WIPI2: variants seen among roughly 807,000 people sequenced by gnomAD.
WIPI2 encodes the protein WD repeat domain phosphoinositide-interacting protein 2.
WIPI2 carries 28 observed loss-of-function variants against 52.3 expected under a neutral mutation model. That is an observed-to-expected ratio of 0.54 (90% CI 0.40 to 0.73). WIPI2 has a LOEUF of 0.73. WIPI2 is among the 30% of genes least tolerant of loss of function. The pLI is 0.00. For missense variants in WIPI2, 506 were observed against 602.9 expected, an observed-to-expected ratio of 0.84 and a Z score of 1.68; for synonymous variants, 268 against 245.0, an observed-to-expected ratio of 1.09 and a Z score of -0.88.
intron 8 of WIPI2, among the ~76,000 whole-genome samples, chr7:5,224,969 A>G (rs996354178): frequency 3.9e-5 from 6 of 152,086 alleles, no homozygotes; most frequent in African/African-American, 9.7e-5. Context: ...ATTCATACAC[A>G]TGGTCAACAC....
In WIPI2 at chr7:5,231,629, T is replaced by A. The variant is rs1783727784; in HGVS notation, c.*682T>A. ...CTTTCTGATACTAAAAACCTTTCTT[T>A]CAGGCAGCAAATGAACTTGAAAGGT... On this transcript the variant is annotated 3_prime_UTR_variant, in exon 13 of 13. Transcript: ENST00000288828. The A allele has an allele frequency of 6.6e-6, 1 of 152,482 alleles. No individual in the cohort carries two copies. 9.4% of individuals were successfully genotyped at this position (152,482 alleles called of 1,614,324 possible). A position where few individuals can be genotyped will look rare whatever the true frequency, so the allele number is the denominator to read the frequency against.
At chr7:5,226,335 T>G (rs1783431877) in intron 9 of WIPI2, 1 of 196,136 alleles carries the variant, frequency 5.1e-6, no homozygotes, top group African/African-American at 2.3e-5. Context: ...CAAGAATTTA[T>G]TATCGCAATG....
intron 5 of WIPI2, 153 bp downstream of exon 5, chr7:5,216,812 C>T: frequency 1.3e-6 from 1 of 769,002 alleles, no homozygotes. Context: ...CCTACTGATG[C>T]TGGTCATGTG....
chr7:5,226,154 A>G (rs1007596443), intron 9 of WIPI2: 16 of 541,708 alleles, frequency 3.0e-5, no homozygotes, highest in African/African-American at 2.5e-4. Flanking sequence ...CAGGGTAGAC[A>G]GAGCCCTCGC....
chr7:5,205,525 G>A (rs138299090), intron 3 of WIPI2, among the ~76,000 whole-genome samples: 29 of 152,284 alleles, frequency 1.9e-4, no homozygotes, highest in Middle Eastern at 6.8e-3. Flanking sequence ...GTCACACTTA[G>A]TTTCTGTCCT....
intron 7 of WIPI2, among the ~76,000 whole-genome samples, chr7:5,219,702 T>C (rs1783003843): frequency 6.6e-6 from 1 of 152,254 alleles, no homozygotes; most frequent in Admixed American, 6.5e-5. Flanking sequence ...AAGTTTAGGC[T>C]GCAGAGGACA....
intron 8 of WIPI2, among the ~76,000 whole-genome samples, chr7:5,224,687 G>A (rs996759128): frequency 6.6e-6 from 1 of 152,210 alleles, no homozygotes; most frequent in African/African-American, 2.4e-5. Context: ...GGGGCCACAA[G>A]ATCAGATGAG....
chr7:5,227,982 A>T lies in WIPI2; in HGVS notation c.1014-122A>T. ...GGTCAGTGGGGCGCCAGACACCTGC[A>T]GCTGCCCTTGTGCTCATCTTGCTGG... On this transcript the variant is annotated intron_variant, in intron 10 of 12. Coordinates refer to ENST00000288828, the MANE Select transcript of WIPI2 (RefSeq NM_015610.4). The surrounding 1 kb of genome is among the most constrained non-coding windows in gnomAD (Gnocchi z 8.1). 1.1e-6 allele frequency: 1 copy of T among 878,830 alleles called. No homozygotes were observed. The highest frequency in any genetic ancestry group is 1.8e-6 in the Non-Finnish European group (1 of 542,986). The allele number at this position is 878,830 out of a possible 1,614,324, so 54.4% of individuals were successfully genotyped here.
intron 3 of WIPI2, among the ~76,000 whole-genome samples, chr7:5,204,031 T>C (rs984070470): frequency 6.6e-6 from 1 of 152,222 alleles, no homozygotes; most frequent in Non-Finnish European, 1.5e-5. Flanking sequence ...TGCTTTCTTT[T>C]GATTATTATG....
intron 7 of WIPI2, 99 bp downstream of exon 7, chr7:5,218,113 T>A (rs1782916750): frequency 7.0e-6 from 9 of 1,287,196 alleles, no homozygotes; most frequent in Middle Eastern, 1.9e-4. Flanking sequence ...GTCCTATACT[T>A]ACCAGCTCCG....
rs79353098 is a variant in WIPI2, at chr7:5,198,996, G to A, written c.129-580G>A. Among the ~76,000 whole-genome samples the A allele has an allele frequency of 6.7e-3, 1,025 of 152,250 alleles. 8 individuals are homozygous for A. The highest frequency in any genetic ancestry group is 0.011 in the Non-Finnish European group (760 of 68,016). ...TATTATCAACTACAGTTACTATCCT[G>A]TATGTTAGATCTCCAGAAAAAGTTT... On this transcript the variant is annotated intron_variant, in intron 2 of 12. Transcript: ENST00000288828.
chr7:5,213,874 A>G (rs1000842258), intron 3 of WIPI2, among the ~76,000 whole-genome samples: 3 of 152,034 alleles, frequency 2.0e-5, no homozygotes, highest in African/African-American at 7.2e-5. Context: ...TTTAGTAGAG[A>G]TGGGGTTTCA....
rs142895483 is a variant in WIPI2, at chr7:5,207,119, G to A, written c.212-7416G>A. On this transcript the variant is annotated intron_variant, in intron 3 of 12. Coordinates refer to ENST00000288828, the MANE Select transcript of WIPI2 (RefSeq NM_015610.4). ...ATTTCCAGGTAGACGGCAGGCATCAGTACATTTCTCCTCAATACTGAGTAG... is the reference window on the plus strand; with the variant it reads ...ATTTCCAGGTAGACGGCAGGCATCAATACATTTCTCCTCAATACTGAGTAG... Among the ~76,000 whole-genome samples the A allele has an allele frequency of 4.2e-3, 639 of 152,286 alleles. 2 individuals are homozygous for A. Among genetic ancestry groups the A allele is most frequent in the Middle Eastern group, 0.014 (4 of 294 alleles).
At chr7:5,226,784 A>T (rs1025264352) in intron 9 of WIPI2, 2 of 144,360 alleles carry the variant, frequency 1.4e-5, no homozygotes, top group African/African-American at 5.1e-5. Flanking sequence ...ATGAATAGCA[A>T]CACAAACAGG....
intron 7 of WIPI2, among the ~76,000 whole-genome samples, chr7:5,221,670 A>T (rs899282304): frequency 2.0e-5 from 3 of 152,184 alleles, no homozygotes; most frequent in Non-Finnish European, 4.4e-5. Context: ...TCTGATATTA[A>T]CTTGGGGGAA....
intron 8 of WIPI2, among the ~76,000 whole-genome samples, chr7:5,223,791 C>T (rs890117313): frequency 2.0e-5 from 3 of 152,116 alleles, no homozygotes; most frequent in Non-Finnish European, 4.4e-5. Context: ...TGGTAAATAG[C>T]GCCACTTGCC....
chr7:5,228,023 C>G, intron 10 of WIPI2, 81 bp from the exon 11 acceptor site: 1 of 1,385,002 alleles, frequency 7.2e-7, no homozygotes, highest in Non-Finnish European at 1.0e-6. Context: ...CTTTCCTCGC[C>G]TGCCAAAAGT....
chr7:5,231,839 T>G lies in WIPI2; in HGVS notation c.*892T>G, dbSNP rs905235842. Reference sequence around the variant, plus strand: ...TGTGGTGGCCGTCTGAGCTGTCCTTTCGCTGGCCCCGCTGTCCGCAGGGGC... The same window carrying G: ...TGTGGTGGCCGTCTGAGCTGTCCTTGCGCTGGCCCCGCTGTCCGCAGGGGC... On this transcript the variant is annotated 3_prime_UTR_variant, in exon 13 of 13. Transcript: ENST00000288828. 7 of 214,742 alleles carry G rather than the reference T, an allele frequency of 3.3e-5. No individual in the cohort carries two copies. Among genetic ancestry groups the G allele is most frequent in the Admixed American group, 2.9e-4 (5 of 17,090 alleles). The allele number at this position is 214,742 out of a possible 1,614,324, so 13.3% of individuals were successfully genotyped here. A position where few individuals can be genotyped will look rare whatever the true frequency, so the allele number is the denominator to read the frequency against.
chr7:5,203,625 C>CTTTTTTTTT (rs10709311), intron 3 of WIPI2, among the ~76,000 whole-genome samples: 3 of 66,394 alleles, frequency 4.5e-5, no homozygotes, highest in African/African-American at 5.7e-5. Flanking sequence ...TACGTTCAGC[C>CTTTTTTTTT]TTTTTTTTTT....
Sources: allele counts gnomAD v4.1 joint callset (sites outside exome capture counted in the v4.1 genomes callset), GRCh38; gene constraint gnomAD v4.1.1; non-coding constraint Gnocchi (gnomAD v3.1); transcripts MANE v1.5; gene names NCBI Gene and HGNC (gene_info 2026-07-23, HGNC 2026-07-21).